The following AFG2B variants were observed in gnomAD, a reference collection of about 807,000 sequenced individuals.
AFG2B encodes ATPase family gene 2 protein homolog B.
At chr15:45,420,015 CA>C in the AFG2B span, among the ~76,000 whole-genome samples, 1 of 75,470 alleles carries the variant, frequency 1.3e-5, no homozygotes, top group South Asian at 4.5e-4. Flanking sequence ...AAAAAAAAAA[CA>C]AAAAACAAAA....
the AFG2B span, chr15:45,410,571 A>G: frequency 9.1e-6 from 14 of 1,545,140 alleles, no homozygotes; most frequent in African/African-American, 1.8e-4. Flanking sequence ...GATATTACAG[A>G]TTAACATTCT....
the AFG2B span, chr15:45,402,821 T>C: frequency 2.5e-6 from 4 of 1,597,160 alleles, no homozygotes; most frequent in African/African-American, 4.0e-5. Context: ...ACAGCCGCGG[T>C]GCTGGAGGCG....
At chr15:45,405,291 T>C in the AFG2B span, 3 of 1,598,830 alleles carry the variant, frequency 1.9e-6, no homozygotes, top group Non-Finnish European at 1.7e-6. Context: ...ATACTTCTTC[T>C]TCTTTTTTTT....
At chr15:45,416,428 TG>T in the AFG2B span, among the ~76,000 whole-genome samples, 1 of 152,372 alleles carries the variant, frequency 6.6e-6, no homozygotes, top group East Asian at 1.9e-4. Flanking sequence ...CAGATGAGTT[TG>T]GTATCCTTAA....
chr15:45,407,538 T>TA, the AFG2B span, among the ~76,000 whole-genome samples: 4 of 152,226 alleles, frequency 2.6e-5, no homozygotes, highest in Admixed American at 2.6e-4. Flanking sequence ...ATCAGCCAGT[T>TA]AAAAAGGCTT....
chr15:45,410,962 G>A, the AFG2B span, among the ~76,000 whole-genome samples: 1 of 152,200 alleles, frequency 6.6e-6, no homozygotes, highest in Non-Finnish European at 1.5e-5. Flanking sequence ...AGCATTTTAG[G>A]AGGTTGAGGT....
At chr15:45,406,814 T>A in the AFG2B span, among the ~76,000 whole-genome samples, 2 of 152,274 alleles carry the variant, frequency 1.3e-5, no homozygotes, top group Non-Finnish European at 2.9e-5. Context: ...TCACTTCCTT[T>A]CCTTTATTTC....
the AFG2B span, chr15:45,407,369 C>A: frequency 4.8e-6 from 2 of 417,580 alleles, no homozygotes; most frequent in Non-Finnish European, 7.3e-6. Flanking sequence ...TGTAGTTTAA[C>A]ACTCAGACAC....
At chr15:45,402,603 C>G in the AFG2B span, 4 of 1,574,054 alleles carry the variant, frequency 2.5e-6, no homozygotes, top group Non-Finnish European at 3.4e-6. Flanking sequence ...GCTCCTGCCT[C>G]TGCACTGCCT....
the AFG2B span, chr15:45,415,957 A>T: frequency 3.3e-5 from 17 of 519,032 alleles, no homozygotes; most frequent in Non-Finnish European, 6.4e-6. Flanking sequence ...AGCTAATAAA[A>T]ATTGTGATTT....
chr15:45,413,326 C>A, the AFG2B span, among the ~76,000 whole-genome samples: 1 of 152,168 alleles, frequency 6.6e-6, no homozygotes, highest in South Asian at 2.1e-4. Context: ...GTAGACATTT[C>A]TTCTGATCAT....
chr15:45,411,781 C>G, the AFG2B span, among the ~76,000 whole-genome samples: 4 of 152,072 alleles, frequency 2.6e-5, no homozygotes, highest in Admixed American at 6.6e-5. Flanking sequence ...GAGCGAGATC[C>G]TGTGTCTTTA....
the AFG2B span, among the ~76,000 whole-genome samples, chr15:45,410,685 A>G: frequency 1.1e-4 from 16 of 152,284 alleles, no homozygotes; most frequent in South Asian, 3.3e-3. Flanking sequence ...TCCTTATTTA[A>G]TTGGACTTCT....
At chr15:45,402,357 C>T in the AFG2B span, 20 of 1,542,344 alleles carry the variant, frequency 1.3e-5, no homozygotes, top group Admixed American at 6.7e-5. Context: ...GGCCTGCGAG[C>T]TCGGTGTTCC....
At chr15:45,406,979 G>A in the AFG2B span, 6 of 1,255,738 alleles carry the variant, frequency 4.8e-6, no homozygotes, top group South Asian at 1.2e-5. Flanking sequence ...CAATAAGTAA[G>A]CAGGAGATGG....
chr15:45,403,129 C>A, the AFG2B span: 1 of 1,477,832 alleles, frequency 6.8e-7, no homozygotes, highest in Non-Finnish European at 8.9e-7. Flanking sequence ...CTTAGCGGTG[C>A]CTCGCGGGGT....
At chr15:45,416,656 C>T in the AFG2B span, among the ~76,000 whole-genome samples, 1 of 152,178 alleles carries the variant, frequency 6.6e-6, no homozygotes, top group African/African-American at 2.4e-5. Flanking sequence ...AAAATACTTG[C>T]AAATATAGGG....
the AFG2B span, chr15:45,410,258 G>A: frequency 1.7e-6 from 2 of 1,197,626 alleles, no homozygotes; most frequent in South Asian, 2.9e-5. Flanking sequence ...TTTTTATAAT[G>A]ATAACAAAAT....
chr15:45,402,654 C>G, the AFG2B span: 1 of 1,578,976 alleles, frequency 6.3e-7, no homozygotes, highest in Non-Finnish European at 8.6e-7. Flanking sequence ...TGCAGCTGGA[C>G]CCGCTGTGCG....
Sources: allele counts gnomAD v4.1 joint callset (sites outside exome capture counted in the v4.1 genomes callset), GRCh38; gene constraint gnomAD v4.1.1; transcripts MANE v1.5; gene names NCBI Gene and HGNC (gene_info 2026-07-23, HGNC 2026-07-21).